Variants in AUTS2 observed in about 807,000 individuals in gnomAD.
AUTS2 encodes autism susceptibility gene 2 protein.
A neutral mutation model predicts 112.4 loss-of-function variants in AUTS2; 17 were observed. That is an observed-to-expected ratio of 0.15 (90% CI 0.10 to 0.23). The LOEUF (loss-of-function observed/expected upper bound fraction) is 0.23, where lower values mean the gene tolerates loss of function less well. AUTS2 is among the 10% of genes least tolerant of loss of function. AUTS2 has a pLI of 1.00. For synonymous variants in AUTS2, 751 were observed against 702.7 expected (o/e 1.07, Z -1.09); for missense variants, 1,510 against 1,701.6 (o/e 0.89, Z 1.98).
At chr7:70,542,973 C>T (rs1800614148) in intron 5 of AUTS2, among the ~76,000 whole-genome samples, 2 of 152,298 alleles carry the variant, frequency 1.3e-5, no homozygotes, top group South Asian at 2.1e-4. Flanking sequence ...GGGGCTGAGA[C>T]AACTAGACAC....
intron 4 of AUTS2, among the ~76,000 whole-genome samples, chr7:70,278,952 A>G (rs902516584): frequency 6.6e-6 from 1 of 152,206 alleles, no homozygotes; most frequent in African/African-American, 2.4e-5. Context: ...GAAGATTCTT[A>G]AGTGCTTTGG....
chr7:70,398,017 G>A (rs1585098775), intron 4 of AUTS2, among the ~76,000 whole-genome samples: 1 of 152,152 alleles, frequency 6.6e-6, no homozygotes, highest in Non-Finnish European at 1.5e-5. Context: ...GTTTGCTTAT[G>A]GATATTAAAG....
intron 4 of AUTS2, among the ~76,000 whole-genome samples, chr7:70,227,402 T>A (rs1811822616): frequency 6.6e-6 from 1 of 152,110 alleles, no homozygotes. Flanking sequence ...TCTATCCATG[T>A]TAAGCATATA....
At chr7:69,858,506 G>C (rs1367847907) in intron 1 of AUTS2, among the ~76,000 whole-genome samples, 1 of 152,102 alleles carries the variant, frequency 6.6e-6, no homozygotes, top group Non-Finnish European at 1.5e-5. Flanking sequence ...TTTTCTCTCT[G>C]ACTTTCTGTG....
chr7:70,450,685 A>G (rs1039378635), intron 5 of AUTS2, among the ~76,000 whole-genome samples: 2 of 152,138 alleles, frequency 1.3e-5, no homozygotes, highest in African/African-American at 2.4e-5. Flanking sequence ...ATCAGAATTG[A>G]CATTTTGGAG....
At chr7:69,907,897 T>G (rs1225468848) in intron 2 of AUTS2, among the ~76,000 whole-genome samples, 3 of 152,234 alleles carry the variant, frequency 2.0e-5, no homozygotes, top group Non-Finnish European at 2.9e-5. Flanking sequence ...GATTTGTTTC[T>G]TATCTTCAGA....
intron 4 of AUTS2, among the ~76,000 whole-genome samples, chr7:70,358,778 G>C (rs756906421): frequency 6.6e-6 from 1 of 152,248 alleles, no homozygotes; most frequent in Non-Finnish European, 1.5e-5. Flanking sequence ...CAAGGCAGGG[G>C]CTGGATCTAA....
At chr7:70,223,157 G>A (rs1027937460) in intron 4 of AUTS2, among the ~76,000 whole-genome samples, 2 of 152,120 alleles carry the variant, frequency 1.3e-5, no homozygotes, top group Non-Finnish European at 2.9e-5. Context: ...AAAGTGCTGT[G>A]ATTACAGGTG....
At chr7:69,600,056 G>A in intron 1 of AUTS2, 94 bp downstream of exon 1, 1 of 884,596 alleles carries the variant, frequency 1.1e-6, no homozygotes, top group Non-Finnish European at 1.7e-6. Context: ...GCTCCGGGCT[G>A]TCTGTCTGTC....
chr7:70,208,308 A>T (rs888132716), intron 4 of AUTS2, among the ~76,000 whole-genome samples: 3 of 152,220 alleles, frequency 2.0e-5, no homozygotes, highest in African/African-American at 7.2e-5. Flanking sequence ...TGAAGGAGCA[A>T]GTTAGGAAAT....
chr7:69,748,378 AT>A (rs1787599860), intron 1 of AUTS2, among the ~76,000 whole-genome samples: 1 of 152,202 alleles, frequency 6.6e-6, no homozygotes, highest in African/African-American at 2.4e-5. Flanking sequence ...GTCAAATGTA[AT>A]AGCAATTATT....
At chr7:70,471,202 TCTAG>T (rs1360584121) in intron 5 of AUTS2, among the ~76,000 whole-genome samples, 1 of 152,206 alleles carries the variant, frequency 6.6e-6, no homozygotes, top group Non-Finnish European at 1.5e-5. Context: ...ATATACTGTT[TCTAG>T]AGTTTATGGC....
At chr7:70,662,335 C>T (rs1563110424) in intron 5 of AUTS2, among the ~76,000 whole-genome samples, 1 of 152,218 alleles carries the variant, frequency 6.6e-6, no homozygotes, top group Non-Finnish European at 1.5e-5. Context: ...CTTTCCAGAG[C>T]CAAGCTATGG....
intron 6 of AUTS2, among the ~76,000 whole-genome samples, chr7:70,705,670 A>G (rs1809698350): frequency 1.3e-5 from 2 of 152,028 alleles, no homozygotes; most frequent in Non-Finnish European, 2.9e-5. Flanking sequence ...TCTTGTCATT[A>G]GCTGAGCTTG....
intron 1 of AUTS2, among the ~76,000 whole-genome samples, chr7:69,622,929 C>T (rs1225599264): frequency 6.6e-6 from 1 of 152,182 alleles, no homozygotes; most frequent in African/African-American, 2.4e-5. Context: ...CATTACCACA[C>T]CTGGATGGGT....
At chr7:70,749,117 A>T (rs902694387) in intron 6 of AUTS2, among the ~76,000 whole-genome samples, 10 of 152,100 alleles carry the variant, frequency 6.6e-5, no homozygotes, top group African/African-American at 2.2e-4. Flanking sequence ...GAACATCACC[A>T]CTGCCTCCCA....
At chr7:70,711,276 T>A (rs1207350893) in intron 6 of AUTS2, among the ~76,000 whole-genome samples, 1 of 152,102 alleles carries the variant, frequency 6.6e-6, no homozygotes, top group African/African-American at 2.4e-5. Flanking sequence ...ACTCTGAGGG[T>A]TTTTTTGGCA....
At chr7:70,687,571 C>A (rs1808535992) in intron 5 of AUTS2, among the ~76,000 whole-genome samples, 1 of 152,042 alleles carries the variant, frequency 6.6e-6, no homozygotes. Context: ...ATATTTATTC[C>A]CCCCTGTGTC....
intron 1 of AUTS2, among the ~76,000 whole-genome samples, chr7:69,860,063 T>G (rs1389634696): frequency 1.3e-5 from 2 of 152,016 alleles, no homozygotes; most frequent in Admixed American, 6.5e-5. Flanking sequence ...TGTTGTTGTT[T>G]TTTGTTTTAT....
Sources: allele counts gnomAD v4.1 joint callset (sites outside exome capture counted in the v4.1 genomes callset), GRCh38; gene constraint gnomAD v4.1.1; transcripts MANE v1.5; gene names NCBI Gene and HGNC (gene_info 2026-07-23, HGNC 2026-07-21).